The following SMYD3 variants were observed in gnomAD, a reference collection of about 807,000 sequenced individuals.
SMYD3 encodes SET and MYND domain containing 3.
A neutral mutation model predicts 57.7 loss-of-function variants in SMYD3; 36 were observed. That is an observed-to-expected ratio of 0.62 (90% CI 0.48 to 0.82). The LOEUF (loss-of-function observed/expected upper bound fraction) is 0.82. SMYD3 is among the 40% of genes least tolerant of loss of function. The pLI is 0.00. For synonymous variants in SMYD3, 211 were observed against 195.0 expected (o/e 1.08, Z -0.68); for missense variants, 515 against 538.8 (o/e 0.96, Z 0.44).
chr1:246,333,378 G>A (rs1048569643), intron 3 of SMYD3, among the ~76,000 whole-genome samples: 2 of 152,132 alleles, frequency 1.3e-5, no homozygotes, highest in African/African-American at 4.8e-5. Flanking sequence ...AAAAGCAACT[G>A]CAACAAAAAC....
At chr1:245,939,101 C>T (rs1266400157) in intron 5 of SMYD3, among the ~76,000 whole-genome samples, 1 of 151,476 alleles carries the variant, frequency 6.6e-6, no homozygotes, top group Non-Finnish European at 1.5e-5. Flanking sequence ...CAAGATCACA[C>T]CACTGCACTC....
At chr1:246,290,056 T>C (rs989585724) in intron 5 of SMYD3, among the ~76,000 whole-genome samples, 12 of 152,166 alleles carry the variant, frequency 7.9e-5, no homozygotes, top group African/African-American at 2.9e-4. Flanking sequence ...GCTCCATACT[T>C]AAAGGAATCT....
chr1:246,363,702 T>A (rs140221691), intron 1 of SMYD3, among the ~76,000 whole-genome samples: 6,216 of 152,136 alleles, frequency 0.041, 420 homozygotes, highest in African/African-American at 0.14. Flanking sequence ...ATGTGCTTTG[T>A]TAAACAGATG....
intron 1 of SMYD3, among the ~76,000 whole-genome samples, chr1:246,391,036 C>T (rs2066554207): frequency 6.6e-6 from 1 of 151,962 alleles, no homozygotes; most frequent in South Asian, 2.1e-4. Context: ...TTACATTAAG[C>T]ATGAATGTAC....
At chr1:246,425,561 G>A (rs952468327) in intron 1 of SMYD3, among the ~76,000 whole-genome samples, 2 of 152,200 alleles carry the variant, frequency 1.3e-5, no homozygotes, top group African/African-American at 4.8e-5. Flanking sequence ...AGCTGGACAA[G>A]AGTGAATGAA....
chr1:246,187,270 A>C (rs1227742975), intron 5 of SMYD3, among the ~76,000 whole-genome samples: 6 of 150,194 alleles, frequency 4.0e-5, no homozygotes, highest in Non-Finnish European at 7.4e-5. Flanking sequence ...CCTAGGCAAC[A>C]GAGTGAGACT....
intron 2 of SMYD3, 83 bp from the exon 3 acceptor site, chr1:246,335,557 A>G: frequency 1.9e-6 from 2 of 1,068,158 alleles, no homozygotes; most frequent in Non-Finnish European, 2.9e-6. Context: ...AAGAGTCATA[A>G]ACATTAAATT....
At chr1:245,937,302 C>T (rs1256719192) in intron 5 of SMYD3, among the ~76,000 whole-genome samples, 1 of 152,186 alleles carries the variant, frequency 6.6e-6, no homozygotes, top group Non-Finnish European at 1.5e-5. Context: ...AGTCAAACTG[C>T]CAAATGTTAG....
intron 9 of SMYD3, among the ~76,000 whole-genome samples, chr1:245,860,972 G>A (rs915467475): frequency 6.6e-6 from 1 of 152,132 alleles, no homozygotes; most frequent in African/African-American, 2.4e-5. Context: ...AAAGAGGTTC[G>A]AGGTGACAGG....
At chr1:246,270,587 G>A (rs1451178047) in intron 5 of SMYD3, among the ~76,000 whole-genome samples, 1 of 152,188 alleles carries the variant, frequency 6.6e-6, no homozygotes, top group Non-Finnish European at 1.5e-5. Flanking sequence ...TCTTTAATGT[G>A]GCTGGCTTAT....
intron 1 of SMYD3, among the ~76,000 whole-genome samples, chr1:246,473,754 T>G (rs985585498): frequency 1.3e-5 from 2 of 152,224 alleles, no homozygotes; most frequent in Non-Finnish European, 1.5e-5. Flanking sequence ...GTTTGTTTTT[T>G]GGGGCGAGGG....
chr1:245,927,543 C>T (rs1034959266), intron 7 of SMYD3, among the ~76,000 whole-genome samples: 2 of 152,150 alleles, frequency 1.3e-5, no homozygotes, highest in South Asian at 4.1e-4. Flanking sequence ...GGGGATCCCA[C>T]TCACAAGCTG....
At chr1:245,750,098 T>G (rs1006330075) in intron 11 of SMYD3, among the ~76,000 whole-genome samples, 6 of 152,190 alleles carry the variant, frequency 3.9e-5, no homozygotes, top group African/African-American at 1.2e-4. Flanking sequence ...TCACATTTTT[T>G]TTCATATCAT....
chr1:245,806,871 C>T (rs1376155895), intron 10 of SMYD3, among the ~76,000 whole-genome samples: 1 of 132,284 alleles, frequency 7.6e-6, no homozygotes, highest in Non-Finnish European at 1.5e-5. Context: ...GATCGCGCCA[C>T]TGCAGTCCGC....
At chr1:246,109,211 T>C (rs1282304696) in intron 5 of SMYD3, among the ~76,000 whole-genome samples, 1 of 152,176 alleles carries the variant, frequency 6.6e-6, no homozygotes, top group African/African-American at 2.4e-5. Context: ...TAAAGAAAAT[T>C]ACTGCCTATT....
At chr1:246,223,869 T>A (rs868113304) in intron 5 of SMYD3, among the ~76,000 whole-genome samples, 1 of 152,206 alleles carries the variant, frequency 6.6e-6, no homozygotes, top group South Asian at 2.1e-4. Context: ...CTAAATTCTA[T>A]AATTTCATTT....
intron 10 of SMYD3, among the ~76,000 whole-genome samples, chr1:245,858,230 A>G (rs969765987): frequency 6.6e-6 from 1 of 152,200 alleles, no homozygotes; most frequent in East Asian, 1.9e-4. Flanking sequence ...TATTGTAATC[A>G]TCTGCTCCAG....
chr1:246,253,402 G>A (rs6679225), intron 5 of SMYD3, among the ~76,000 whole-genome samples: 7 of 152,066 alleles, frequency 4.6e-5, no homozygotes, highest in Non-Finnish European at 8.8e-5. Flanking sequence ...AATTCACTTA[G>A]AATAATGACC....
chr1:245,797,828 C>CAAAA lies in SMYD3; in HGVS notation c.1077-33683_1077-33680dup, dbSNP rs559088835. Among the ~76,000 whole-genome samples, 76 of 109,432 alleles carry CAAAA rather than the reference C, an allele frequency of 6.9e-4. 3 individuals carry two copies. In the East Asian group the frequency reaches 0.018, roughly 26 times the overall value. 71.8% of individuals were successfully genotyped at this position (109,432 alleles called of 152,430 possible). A position where few individuals can be genotyped will look rare whatever the true frequency, so the allele number is the denominator to read the frequency against. On this transcript the variant is annotated intron_variant, in intron 10 of 11. Transcript: ENST00000490107. Reference sequence around the variant, plus strand: ...TGTCCTCTCAATTGCTTCCGGGTTCCAAAAAAAAAAAAAAAAAAAAGGTGG... The same window carrying CAAAA: ...TGTCCTCTCAATTGCTTCCGGGTTCCAAAAAAAAAAAAAAAAAAAAAAAAGGTGG...
Sources: allele counts gnomAD v4.1 joint callset (sites outside exome capture counted in the v4.1 genomes callset), GRCh38; gene constraint gnomAD v4.1.1; transcripts MANE v1.5; gene names NCBI Gene and HGNC (gene_info 2026-07-23, HGNC 2026-07-21).